GRIK2: variants seen among roughly 807,000 people sequenced by gnomAD.
GRIK2 encodes the protein glutamate ionotropic receptor kainate type subunit 2.
A neutral mutation model predicts 100.3 loss-of-function variants in GRIK2; 32 were observed. The observed-to-expected ratio is 0.32, with a 90% CI of 0.24 to 0.43. The LOEUF is 0.43. Among genes scored for constraint, GRIK2 ranks in the 20% least tolerant of loss-of-function variants. The pLI, the probability that GRIK2 is intolerant of heterozygous loss-of-function variation, is 1.00. For missense variants in GRIK2, 843 were observed against 1,114.9 expected (o/e 0.76, Z 3.47); for synonymous variants, 417 against 389.4 (o/e 1.07, Z -0.83).
chr6:101,601,105 T>C (rs1282220050), intron 2 of GRIK2, among the ~76,000 whole-genome samples: 1 of 134,720 alleles, frequency 7.4e-6, no homozygotes, highest in Non-Finnish European at 1.6e-5. Context: ...GTTCCTCTGA[T>C]GCCTAGTTTG....
chr6:101,950,710 GT>G (rs962661757), intron 14 of GRIK2, among the ~76,000 whole-genome samples: 5 of 151,700 alleles, frequency 3.3e-5, no homozygotes, highest in Non-Finnish European at 7.4e-5. Flanking sequence ...TTTTCTTTAT[GT>G]TTTTTTATTT....
intron 10 of GRIK2, among the ~76,000 whole-genome samples, chr6:101,829,830 T>C (rs1388928295): frequency 6.6e-6 from 1 of 152,040 alleles, no homozygotes; most frequent in African/African-American, 2.4e-5. Flanking sequence ...ATCAATATCA[T>C]TATATTGTCC....
At chr6:101,532,550 T>TG (rs1554215576) in intron 2 of GRIK2, among the ~76,000 whole-genome samples, 1 of 150,590 alleles carries the variant, frequency 6.6e-6, no homozygotes, top group Non-Finnish European at 1.5e-5. Flanking sequence ...TTTTTTTTTT[T>TG]AAAGTTTTAT....
intron 12 of GRIK2, among the ~76,000 whole-genome samples, chr6:101,900,935 T>G (rs1787808604): frequency 6.6e-6 from 1 of 151,926 alleles, no homozygotes; most frequent in South Asian, 2.1e-4. Context: ...AAAGCATAGT[T>G]TTATTTTTTA....
intron 2 of GRIK2, among the ~76,000 whole-genome samples, chr6:101,409,370 TC>T (rs1206882688): frequency 6.6e-6 from 1 of 152,074 alleles, no homozygotes; most frequent in African/African-American, 2.4e-5. Flanking sequence ...TCTGTGATGT[TC>T]ACACAATGAT....
At chr6:102,028,922 G>T (rs1013113124) in intron 14 of GRIK2, among the ~76,000 whole-genome samples, 3 of 151,052 alleles carry the variant, frequency 2.0e-5, no homozygotes, top group Non-Finnish European at 4.4e-5. Context: ...CCCTCAAGGT[G>T]AGCTCTTTAT....
intron 4 of GRIK2, among the ~76,000 whole-genome samples, chr6:101,656,218 G>A (rs569840930): frequency 3.5e-4 from 53 of 151,178 alleles, no homozygotes; most frequent in Middle Eastern, 3.4e-3. Context: ...CAGGAGAATC[G>A]CTTGAACCTG....
intron 2 of GRIK2, among the ~76,000 whole-genome samples, chr6:101,572,639 A>G (rs949091508): frequency 3.3e-5 from 5 of 151,790 alleles, no homozygotes; most frequent in Non-Finnish European, 7.4e-5. Context: ...CATAAGGGGA[A>G]GTAGAGACTT....
chr6:101,797,208 C>T (rs1780362032), intron 7 of GRIK2, among the ~76,000 whole-genome samples: 1 of 151,854 alleles, frequency 6.6e-6, no homozygotes, highest in Non-Finnish European at 1.5e-5. Flanking sequence ...TTTTTGTAAT[C>T]TTCCTCATAC....
intron 2 of GRIK2, among the ~76,000 whole-genome samples, chr6:101,473,761 G>T (rs1225105477): frequency 6.6e-6 from 1 of 151,834 alleles, no homozygotes; most frequent in Non-Finnish European, 1.5e-5. Flanking sequence ...TTATTTATCT[G>T]CTCTGTCATA....
At chr6:101,580,293 C>T (rs1778014092) in intron 2 of GRIK2, among the ~76,000 whole-genome samples, 1 of 152,004 alleles carries the variant, frequency 6.6e-6, no homozygotes, top group African/African-American at 2.4e-5. Flanking sequence ...TTGGAATCTT[C>T]CCTGATTTAA....
chr6:101,942,308 G>C (rs1025078450), intron 14 of GRIK2, among the ~76,000 whole-genome samples: 1 of 152,118 alleles, frequency 6.6e-6, no homozygotes, highest in African/African-American at 2.4e-5. Flanking sequence ...TTATAGCACT[G>C]TGAAACAGAC....
intron 4 of GRIK2, among the ~76,000 whole-genome samples, chr6:101,665,449 A>G (rs1318785758): frequency 6.6e-6 from 1 of 152,220 alleles, no homozygotes; most frequent in Non-Finnish European, 1.5e-5. Context: ...AGTTCATTGT[A>G]TATTGAGTCA....
Position 101,872,743 on chromosome 6 carries a change from T to A in GRIK2, c.1524+13250T>A, listed in dbSNP as rs538735326. On this transcript the variant is annotated intron_variant, in intron 11 of 16. Transcript: ENST00000369134. Reference sequence around the variant, plus strand: ...CATCTTATTCCCTATTATCATTTACTTACTCCATAATTCCTCACATAAATT... The same window carrying A: ...CATCTTATTCCCTATTATCATTTACATACTCCATAATTCCTCACATAAATT... 2.6e-5 allele frequency among the ~76,000 whole-genome samples: 4 copies of A among 152,068 alleles called. No homozygotes were observed. In the South Asian group the frequency reaches 8.3e-4, roughly 32 times the overall value.
intron 2 of GRIK2, among the ~76,000 whole-genome samples, chr6:101,569,210 C>A (rs1054364669): frequency 1.3e-5 from 2 of 151,250 alleles, no homozygotes; most frequent in Non-Finnish European, 3.0e-5. Context: ...AATTTTAATT[C>A]AAAAAAACCC....
chr6:101,997,197 T>G (rs549371078), intron 14 of GRIK2, among the ~76,000 whole-genome samples: 24 of 152,236 alleles, frequency 1.6e-4, no homozygotes, highest in Admixed American at 1.5e-3. Context: ...TGAGTTGGAT[T>G]AATCTCACTC....
intron 7 of GRIK2, among the ~76,000 whole-genome samples, chr6:101,791,255 G>C (rs1417888074): frequency 6.6e-6 from 1 of 152,090 alleles, no homozygotes; most frequent in Non-Finnish European, 1.5e-5. Context: ...GCTAGCTTTT[G>C]AATGTGTTTG....
intron 2 of GRIK2, among the ~76,000 whole-genome samples, chr6:101,493,645 A>C (rs2128268570): frequency 1.3e-5 from 2 of 152,048 alleles, no homozygotes; most frequent in Admixed American, 1.3e-4. Flanking sequence ...GCCTTCAAAC[A>C]AGGTCAGGAA....
chr6:101,510,913 C>A (rs1459441390), intron 2 of GRIK2, among the ~76,000 whole-genome samples: 2 of 152,002 alleles, frequency 1.3e-5, no homozygotes, highest in African/African-American at 4.8e-5. Flanking sequence ...ATCCAATAGA[C>A]TACGATATAT....
Sources: allele counts gnomAD v4.1 joint callset (sites outside exome capture counted in the v4.1 genomes callset), GRCh38; gene constraint gnomAD v4.1.1; transcripts MANE v1.5; gene names NCBI Gene and HGNC (gene_info 2026-07-23, HGNC 2026-07-21).